The following TAFA1 variants were observed in gnomAD, a reference collection of about 807,000 sequenced individuals.
TAFA1 encodes chemokine-like protein TAFA-1.
In TAFA1, 4 loss-of-function variants were observed where a neutral mutation model predicts 18.5. That is an observed-to-expected ratio of 0.22 (90% CI 0.11 to 0.49). The LOEUF (loss-of-function observed/expected upper bound fraction) is 0.49, where lower values mean the gene tolerates loss of function less well. Among genes scored for constraint, TAFA1 ranks in the 20% least tolerant of loss-of-function variants. The pLI, the probability that TAFA1 is intolerant of heterozygous loss-of-function variation, is 0.98. For missense variants in TAFA1, 147 were observed against 169.0 expected (o/e 0.87, Z 0.72); for synonymous variants, 56 against 55.2 (o/e 1.01, Z -0.06).
intron 2 of TAFA1, among the ~76,000 whole-genome samples, chr3:68,402,341 C>T (rs1352667717): frequency 6.6e-6 from 1 of 152,180 alleles, no homozygotes; most frequent in East Asian, 1.9e-4. Context: ...TGCCTGGTGG[C>T]CAGACTAAGT....
chr3:68,259,875 A>G (rs2067377807), intron 2 of TAFA1, among the ~76,000 whole-genome samples: 3 of 151,850 alleles, frequency 2.0e-5, no homozygotes, highest in Admixed American at 6.6e-5. Flanking sequence ...CAATCATGTC[A>G]TCTGCAAACA....
chr3:68,249,904 G>A (rs1251341938), intron 2 of TAFA1, among the ~76,000 whole-genome samples: 2 of 152,104 alleles, frequency 1.3e-5, no homozygotes, highest in Non-Finnish European at 2.9e-5. Flanking sequence ...CAACTTTAGT[G>A]TGATTCATGT....
intron 2 of TAFA1, among the ~76,000 whole-genome samples, chr3:68,007,738 A>G (rs1020129301): frequency 2.0e-5 from 3 of 151,518 alleles, no homozygotes; most frequent in Non-Finnish European, 4.4e-5. Context: ...AATCCCATCA[A>G]TGGCCTCCTC....
chr3:68,186,371 G>A (rs999955065), intron 2 of TAFA1, among the ~76,000 whole-genome samples: 14 of 152,088 alleles, frequency 9.2e-5, no homozygotes, highest in Admixed American at 2.6e-4. Context: ...AAATGCCTCC[G>A]AGTTCCCAAG....
intron 2 of TAFA1, among the ~76,000 whole-genome samples, chr3:68,170,154 C>G (rs1048832570): frequency 6.6e-6 from 1 of 152,118 alleles, no homozygotes; most frequent in Non-Finnish European, 1.5e-5. Context: ...ATTTTCATCA[C>G]CCTGTCCTCA....
At chr3:68,086,205 A>G (rs2064968137) in intron 2 of TAFA1, among the ~76,000 whole-genome samples, 1 of 152,212 alleles carries the variant, frequency 6.6e-6, no homozygotes, top group Non-Finnish European at 1.5e-5. Context: ...TTCTCAAAGT[A>G]GACTAGGGTC....
intron 3 of TAFA1, among the ~76,000 whole-genome samples, chr3:68,444,803 TATATATATAA>T (rs1332250388): frequency 2.6e-5 from 2 of 75,672 alleles, no homozygotes; most frequent in African/African-American, 1.1e-4. Context: ...TATATATATA[TATATATATAA>T]AATAAATTAA....
rs929331580 is a variant in TAFA1, at chr3:68,145,316, A to G, written c.118+138572A>G. On this transcript the variant is annotated intron_variant, in intron 2 of 4. Coordinates refer to ENST00000478136, the MANE Select transcript of TAFA1 (RefSeq NM_213609.4). ...TCAGTGGTCTGAGACAGTCCAGCCAATTATGGAAGCACTTAGAGATGCAAC... is the reference window on the plus strand; with the variant it reads ...TCAGTGGTCTGAGACAGTCCAGCCAGTTATGGAAGCACTTAGAGATGCAAC... The G allele has an allele frequency of 6.3e-6, 5 of 792,476 alleles. No individual in the cohort carries two copies. The African/African-American group carries it at 8.4e-5, about 13-fold the overall frequency. 49.1% of individuals were successfully genotyped at this position (792,476 alleles called of 1,614,324 possible).
At chr3:68,228,185 C>T (rs768050517) in intron 2 of TAFA1, among the ~76,000 whole-genome samples, 2 of 152,146 alleles carry the variant, frequency 1.3e-5, no homozygotes, top group Non-Finnish European at 2.9e-5. Context: ...TCATTACATC[C>T]CCTGGCATAT....
intron 3 of TAFA1, among the ~76,000 whole-genome samples, chr3:68,451,347 G>A (rs1428250413): frequency 6.6e-6 from 1 of 152,162 alleles, no homozygotes. Context: ...GAGAGCAGTT[G>A]ACTGATATCC....
At chr3:68,287,478 AT>A (rs5849812) in intron 2 of TAFA1, among the ~76,000 whole-genome samples, 44 of 151,878 alleles carry the variant, frequency 2.9e-4, no homozygotes, top group Admixed American at 7.9e-4. Flanking sequence ...GGGCAATGAG[AT>A]TTTTTTCTTT....
chr3:68,456,281 G>A (rs922549899), intron 3 of TAFA1, among the ~76,000 whole-genome samples: 1 of 152,074 alleles, frequency 6.6e-6, no homozygotes, highest in Non-Finnish European at 1.5e-5. Context: ...CTGCATTTGC[G>A]CAAAACAATA....
intron 2 of TAFA1, among the ~76,000 whole-genome samples, chr3:68,248,704 T>C (rs893571458): frequency 1.9e-5 from 2 of 103,912 alleles, no homozygotes; most frequent in African/African-American, 7.4e-5. Context: ...ATCTGAGTCC[T>C]GAGTTTTGCG....
intron 2 of TAFA1, among the ~76,000 whole-genome samples, chr3:68,315,993 G>A (rs2068599362): frequency 1.3e-5 from 2 of 152,186 alleles, no homozygotes; most frequent in Non-Finnish European, 2.9e-5. Context: ...AGTGGCTCTG[G>A]AGGGCCCTGC....
chr3:68,542,035 C>T (rs2073385852), intron 4 of TAFA1, among the ~76,000 whole-genome samples: 1 of 152,124 alleles, frequency 6.6e-6, no homozygotes, highest in South Asian at 2.1e-4. Context: ...AGAAAAACCT[C>T]AGGAACAATG....
At chr3:68,423,758 T>C (rs2071004073) in intron 3 of TAFA1, among the ~76,000 whole-genome samples, 1 of 149,170 alleles carries the variant, frequency 6.7e-6, no homozygotes, top group Admixed American at 6.7e-5. Context: ...GTAATTTTTA[T>C]CTGTTTCTAA....
At chr3:68,226,980 G>A (rs1210086408) in intron 2 of TAFA1, among the ~76,000 whole-genome samples, 1 of 152,160 alleles carries the variant, frequency 6.6e-6, no homozygotes, top group East Asian at 1.9e-4. Context: ...TGGCCGAGGG[G>A]TTGTGGGGCA....
At chr3:68,508,522 A>T (rs547656794) in intron 3 of TAFA1, among the ~76,000 whole-genome samples, 1 of 152,090 alleles carries the variant, frequency 6.6e-6, no homozygotes, top group Admixed American at 6.6e-5. Context: ...AAGGTCAAGC[A>T]TCTTTTCCAG....
intron 2 of TAFA1, among the ~76,000 whole-genome samples, chr3:68,200,706 T>C (rs954354849): frequency 1.3e-5 from 2 of 151,680 alleles, no homozygotes; most frequent in African/African-American, 4.8e-5. Flanking sequence ...GACATCATTT[T>C]TAATATTAGT....
Sources: allele counts gnomAD v4.1 joint callset (sites outside exome capture counted in the v4.1 genomes callset), GRCh38; gene constraint gnomAD v4.1.1; transcripts MANE v1.5; gene names NCBI Gene and HGNC (gene_info 2026-07-23, HGNC 2026-07-21).